Variants in CALN1 observed in about 807,000 individuals in gnomAD.
CALN1 encodes calneuron 1.
A neutral mutation model predicts 30.6 loss-of-function variants in CALN1; 17 were observed. The observed-to-expected ratio is 0.56, with a 90% CI of 0.38 to 0.83. CALN1 has a LOEUF of 0.83. Among genes scored for constraint, CALN1 ranks in the 40% least tolerant of loss-of-function variants. The pLI is 0.00. For synonymous variants in CALN1, 156 were observed against 131.4 expected (o/e 1.19, Z -1.28); for missense variants, 291 against 354.9 (o/e 0.82, Z 1.45).
intron 2 of CALN1, among the ~76,000 whole-genome samples, chr7:72,381,799 A>T (rs535212789): frequency 6.6e-6 from 1 of 152,300 alleles, no homozygotes; most frequent in Non-Finnish European, 1.5e-5. Context: ...GCAAACCACC[A>T]TGGCACATGT....
intron 3 of CALN1, among the ~76,000 whole-genome samples, chr7:72,276,050 G>C (rs1206571292): frequency 6.6e-6 from 1 of 152,162 alleles, no homozygotes; most frequent in Non-Finnish European, 1.5e-5. Context: ...AGGAGGAAGG[G>C]GGGAGAATAT....
At chr7:71,951,390 A>T (rs563368648) in intron 5 of CALN1, among the ~76,000 whole-genome samples, 261 of 152,338 alleles carry the variant, frequency 1.7e-3, no homozygotes, top group Non-Finnish European at 3.0e-3. Flanking sequence ...CAGGAGTTCA[A>T]GACTAGCCTG....
intron 5 of CALN1, among the ~76,000 whole-genome samples, chr7:71,995,302 C>G (rs997971455): frequency 2.0e-5 from 3 of 152,226 alleles, no homozygotes; most frequent in African/African-American, 7.2e-5. Context: ...TTTATTAGCA[C>G]AGCTGCTGTC....
chr7:72,403,421 C>A lies in CALN1; in HGVS notation c.-52G>T. The A allele has an allele frequency of 1.4e-6, 2 of 1,438,276 alleles. No individual in the cohort carries two copies. Among genetic ancestry groups the A allele is most frequent in the East Asian group, 2.5e-5 (1 of 40,170 alleles). The allele number at this position is 1,438,276 out of a possible 1,614,324, so 89.1% of individuals were successfully genotyped here. On this transcript the variant is annotated 5_prime_UTR_variant, in exon 2 of 7. Coordinates refer to ENST00000395275, the MANE Select transcript of CALN1 (RefSeq NM_031468.4). ...GAGAGTTAGAAGCTCATCAAAGGAA[C>A]GTCAGCGAAGGCACTGAGACTCTGA... is the stretch of plus-strand genomic sequence containing the variant.
intron 2 of CALN1, among the ~76,000 whole-genome samples, chr7:72,351,175 A>G (rs1307758579): frequency 2.6e-5 from 4 of 152,196 alleles, no homozygotes; most frequent in Non-Finnish European, 5.9e-5. Flanking sequence ...TTAAAAAATA[A>G]AGGTGAAATA....
chr7:72,240,743 T>A (rs1031642913), intron 3 of CALN1, among the ~76,000 whole-genome samples: 2 of 152,220 alleles, frequency 1.3e-5, no homozygotes, highest in Non-Finnish European at 2.9e-5. Flanking sequence ...AGTCATTCAC[T>A]GAGTGTGGGC....
chr7:72,403,435 C>A lies in CALN1; in HGVS notation c.-66G>T. On this transcript the variant is annotated 5_prime_UTR_variant, in exon 2 of 7. Coordinates refer to ENST00000395275, the MANE Select transcript of CALN1 (RefSeq NM_031468.4). ...CATCAAAGGAACGTCAGCGAAGGCACTGAGACTCTGAAAGGAGTTGACAGA... is the reference window on the plus strand; with the variant it reads ...CATCAAAGGAACGTCAGCGAAGGCAATGAGACTCTGAAAGGAGTTGACAGA... 2 of 1,300,698 alleles carry A rather than the reference C, an allele frequency of 1.5e-6. No homozygotes were observed. Among genetic ancestry groups the A allele is most frequent in the South Asian group, 1.3e-5 (1 of 74,806 alleles). 80.6% of individuals were successfully genotyped at this position (1,300,698 alleles called of 1,614,324 possible).
At chr7:72,083,125 T>G (rs935353057) in intron 4 of CALN1, among the ~76,000 whole-genome samples, 1 of 151,710 alleles carries the variant, frequency 6.6e-6, no homozygotes, top group Non-Finnish European at 1.5e-5. Context: ...CGCTTGAGCC[T>G]GGGAGGCGGA....
chr7:72,154,606 T>G (rs1458774746), intron 3 of CALN1, among the ~76,000 whole-genome samples: 1 of 152,168 alleles, frequency 6.6e-6, no homozygotes, highest in African/African-American at 2.4e-5. Context: ...TGCCCTGATA[T>G]AACCACAGAG....
intron 1 of CALN1, among the ~76,000 whole-genome samples, chr7:72,405,915 C>G (rs553097622): frequency 1.1e-4 from 17 of 152,280 alleles, no homozygotes; most frequent in Non-Finnish European, 2.2e-4. Flanking sequence ...CAGAGCAAGG[C>G]ACCCAGATGA....
intron 4 of CALN1, among the ~76,000 whole-genome samples, chr7:72,031,097 G>A (rs1296861138): frequency 2.0e-5 from 3 of 152,178 alleles, no homozygotes; most frequent in Admixed American, 6.5e-5. Flanking sequence ...AGAAGCTTAC[G>A]CAGGGAGTAG....
chr7:72,290,576 A>G (rs922520798), intron 2 of CALN1, among the ~76,000 whole-genome samples: 7 of 152,158 alleles, frequency 4.6e-5, no homozygotes, highest in African/African-American at 1.7e-4. Flanking sequence ...AATCCCTTAT[A>G]CTAAATCCCC....
intron 2 of CALN1, among the ~76,000 whole-genome samples, chr7:72,291,901 C>T (rs1020727512): frequency 4.0e-5 from 6 of 151,892 alleles, no homozygotes; most frequent in Non-Finnish European, 2.9e-5. Context: ...CATGAGCCAC[C>T]GAGCCTGACC....
chr7:72,237,022 T>A (rs1424221144), intron 3 of CALN1, among the ~76,000 whole-genome samples: 1 of 150,778 alleles, frequency 6.6e-6, no homozygotes, highest in East Asian at 1.9e-4. Context: ...TTCCCTCTTG[T>A]TGCCCAAGTT....
chr7:71,784,502 C>T lies in CALN1; in HGVS notation c.*3273G>A. On this transcript the variant is annotated 3_prime_UTR_variant, in exon 7 of 7. Coordinates refer to ENST00000395275, the MANE Select transcript of CALN1 (RefSeq NM_031468.4). The stretch of plus-strand genomic sequence containing the variant: ...GAAGCCATTGCTAATAGTCCCGATG[C>T]TAGATTCTGTCTGGGGGCTTTGTGG... 1 of 272,234 alleles carries T rather than the reference C, an allele frequency of 3.7e-6. No individual in the cohort carries two copies. Among genetic ancestry groups the T allele is most frequent in the East Asian group, 6.3e-5 (1 of 15,986 alleles). 16.9% of individuals were successfully genotyped at this position (272,234 alleles called of 1,614,324 possible). A position where few individuals can be genotyped will look rare whatever the true frequency, so the allele number is the denominator to read the frequency against.
chr7:72,380,705 T>TTAGATAGATAGA (rs370157902), intron 2 of CALN1, among the ~76,000 whole-genome samples: 1 of 114,584 alleles, frequency 8.7e-6, no homozygotes. Flanking sequence ...ATACATTAGA[T>TTAGATAGATAGA]TAGATAGATA....
intron 5 of CALN1, among the ~76,000 whole-genome samples, chr7:71,954,535 C>A (rs769332563): frequency 6.6e-6 from 1 of 151,758 alleles, no homozygotes; most frequent in East Asian, 1.9e-4. Context: ...ATGTGTAGTC[C>A]CACCTTCTCA....
Position 72,336,572 on chromosome 7 carries a change from A to G in CALN1, c.120-57762T>C, listed in dbSNP as rs867815922. On this transcript the variant is annotated intron_variant, in intron 2 of 6. Coordinates refer to ENST00000395275, the MANE Select transcript of CALN1 (RefSeq NM_031468.4). ...GTACGGGAGGCGCTGTCTGCCAACC[A>G]TCTGCCCACTCTGAGCACCAGGGCC... 18 of 495,932 alleles carry G rather than the reference A, an allele frequency of 3.6e-5. No individual in the cohort carries two copies. The African/African-American group carries it at 3.8e-4, about 10-fold the overall frequency. 30.7% of individuals were successfully genotyped at this position (495,932 alleles called of 1,614,324 possible).
intron 2 of CALN1, among the ~76,000 whole-genome samples, chr7:72,328,375 C>T (rs554222071): frequency 6.6e-5 from 10 of 152,148 alleles, no homozygotes; most frequent in Non-Finnish European, 1.5e-4. Flanking sequence ...TGGGAGCTCC[C>T]CTACACAAGC....
Sources: gnomAD v4.1 joint callset for allele counts (sites outside exome capture counted in the v4.1 genomes callset) on GRCh38, gnomAD v4.1.1 for gene constraint, MANE v1.5 for transcripts, NCBI Gene and HGNC (gene_info 2026-07-23, HGNC 2026-07-21) for gene names.